The following DOCK1 variants were observed in gnomAD, a reference collection of about 807,000 sequenced individuals.
DOCK1 encodes dedicator of cytokinesis 1, also known as dedicator of cytokinesis protein 1.
A neutral mutation model predicts 262.7 loss-of-function variants in DOCK1; 138 were observed. The observed-to-expected ratio is 0.53, with a 90% CI of 0.46 to 0.61. The LOEUF (loss-of-function observed/expected upper bound fraction) is 0.61, where lower values mean the gene tolerates loss of function less well. Among genes scored for constraint, DOCK1 ranks in the 20% least tolerant of loss-of-function variants. The pLI is 0.00. For synonymous variants in DOCK1, 866 were observed against 867.4 expected (o/e 1.00, Z 0.03); for missense variants, 1,908 against 2,370.7 (o/e 0.80, Z 4.05).
chr10:127,037,970 A>G (rs2135585762), intron 19 of DOCK1, among the ~76,000 whole-genome samples, 154 bp downstream of exon 19: 1 of 151,300 alleles, frequency 6.6e-6, no homozygotes, highest in East Asian at 2.0e-4. Context: ...GCGGTGGCTT[A>G]CGCCTGTAAT....
intron 17 of DOCK1, 139 bp from the exon 18 acceptor site, chr10:127,031,998 G>A: frequency 1.7e-6 from 2 of 1,146,824 alleles, no homozygotes; most frequent in Non-Finnish European, 2.5e-6. Context: ...CAGTAATAAG[G>A]GAAATTATTA....
At chr10:127,365,555 A>T (rs2064859194) in intron 33 of DOCK1, among the ~76,000 whole-genome samples, 1 of 152,256 alleles carries the variant, frequency 6.6e-6, no homozygotes, top group Non-Finnish European at 1.5e-5. Context: ...TAAGGGGGAA[A>T]GTGTATTTAT....
intron 29 of DOCK1, among the ~76,000 whole-genome samples, chr10:127,330,693 CT>C (rs2062939112): frequency 6.6e-6 from 1 of 152,206 alleles, no homozygotes; most frequent in Admixed American, 6.5e-5. Context: ...GAAGCGTAGC[CT>C]CCAGCTTCTG....
In DOCK1 at chr10:127,176,446, A is replaced by C. The variant is rs1402622196; in HGVS notation, c.2847+48682A>C. The C allele has an allele frequency of 6.8e-7, 1 of 1,471,950 alleles. No homozygotes were observed. Among genetic ancestry groups the C allele is most frequent in the East Asian group, 2.3e-5 (1 of 43,876 alleles). The allele number at this position is 1,471,950 out of a possible 1,614,324, so 91.2% of individuals were successfully genotyped here. A position where few individuals can be genotyped will look rare whatever the true frequency, so the allele number is the denominator to read the frequency against. On this transcript the variant is annotated intron_variant, in intron 27 of 51. Coordinates refer to ENST00000623213, the MANE Select transcript of DOCK1 (RefSeq NM_001290223.2). This position sits in a 1 kb window ranked among gnomAD's most constrained non-coding sequence, Gnocchi z 4.4. ...AGAGGTGTCAGTGGGACAGAAATAC[A>C]CACTCAAGCACCGGCCGCACAAACT...
chr10:127,271,705 C>T (rs1423887725), intron 29 of DOCK1, among the ~76,000 whole-genome samples: 1 of 152,178 alleles, frequency 6.6e-6, no homozygotes, highest in Non-Finnish European at 1.5e-5. Context: ...ACAGTAGGTG[C>T]TCAACAGGCA....
intron 29 of DOCK1, among the ~76,000 whole-genome samples, chr10:127,330,164 C>A (rs1042653073): frequency 6.6e-6 from 1 of 152,036 alleles, no homozygotes; most frequent in Non-Finnish European, 1.5e-5. Flanking sequence ...GTGAACTCTC[C>A]GACTCCCCAC....
chr10:127,261,776 T>C (rs534518496), intron 29 of DOCK1, among the ~76,000 whole-genome samples: 4 of 140,808 alleles, frequency 2.8e-5, no homozygotes. Flanking sequence ...TGGGTGTGTG[T>C]GTGTGTACCT....
Position 127,026,348 on chromosome 10 carries a change from G to A in DOCK1, c.1552-4G>A. The A allele has an allele frequency of 1.3e-6, 2 of 1,561,356 alleles. No homozygotes were observed. Among genetic ancestry groups the A allele is most frequent in the Non-Finnish European group, 1.7e-6 (2 of 1,151,538 alleles). ...TGCTTAAACTTCTTTTTCAATTCTT[G>A]AAGGTGGCCATTCCCATCGAGGACG... On this transcript the variant is annotated splice_region_variant and splice_polypyrimidine_tract_variant and intron_variant, in intron 15 of 51. Coordinates refer to ENST00000623213, the MANE Select transcript of DOCK1 (RefSeq NM_001290223.2).
chr10:127,067,523 GTGTGTGTGTA>G (rs2045950463), intron 23 of DOCK1, among the ~76,000 whole-genome samples: 1 of 152,102 alleles, frequency 6.6e-6, no homozygotes, highest in Non-Finnish European at 1.5e-5. Context: ...CATTGTATGT[GTGTGTGTGTA>G]TGTGTGCGTG....
chr10:126,964,654 C>T (rs1287944610), intron 1 of DOCK1, among the ~76,000 whole-genome samples: 2 of 152,302 alleles, frequency 1.3e-5, no homozygotes, highest in South Asian at 2.1e-4. Flanking sequence ...GTCTTGAAAT[C>T]ATGTTTCAGT....
intron 29 of DOCK1, among the ~76,000 whole-genome samples, chr10:127,317,138 T>G (rs1254827993): frequency 6.6e-6 from 1 of 152,222 alleles, no homozygotes; most frequent in Non-Finnish European, 1.5e-5. Flanking sequence ...GACATTTCAG[T>G]AATAACTCTG....
chr10:126,912,827 C>T (rs1465871390), intron 1 of DOCK1, among the ~76,000 whole-genome samples: 1 of 152,002 alleles, frequency 6.6e-6, no homozygotes, highest in Non-Finnish European at 1.5e-5. Context: ...TCTTTAAATT[C>T]CCTGCCTCCA....
In DOCK1 at chr10:127,343,703, C is replaced by G. The variant is rs1344672799; in HGVS notation, c.3181C>G (p.Leu1061Val). ...VAFLTQESLQ[L>V]ENFSSAKRAK... ...TTTCCTTACTCAAGAGTCCCTGCAACTGGAGAATTTTTCAAGTGCCAAGAG... is the reference window on the plus strand; with the variant it reads ...TTTCCTTACTCAAGAGTCCCTGCAAGTGGAGAATTTTTCAAGTGCCAAGAG... The change falls in exon 31 of 52, where the codon CTG becomes GTG. Residue 1061 changes from leucine (L) to valine (V), a missense_variant. By Grantham distance (32) the Leu-to-Val change is conservative. This residue lies in a region of DOCK1 where 518 missense variants were observed against 575.1 expected (regional missense o/e 0.90). Transcript: ENST00000623213. The G allele has an allele frequency of 1.9e-6, 3 of 1,611,482 alleles. No homozygotes were observed. The highest frequency in any genetic ancestry group is 1.1e-5 in the South Asian group (1 of 90,018).
chr10:126,953,954 G>A (rs935583503), intron 1 of DOCK1, among the ~76,000 whole-genome samples: 4,963 of 152,232 alleles, frequency 0.033, 298 homozygotes, highest in African/African-American at 0.11. Context: ...TAAAACTTCC[G>A]AGTGGTCCTG....
intron 25 of DOCK1, among the ~76,000 whole-genome samples, chr10:127,120,738 A>G (rs1042939676): frequency 3.3e-5 from 5 of 152,226 alleles, no homozygotes; most frequent in African/African-American, 9.6e-5. Flanking sequence ...ATTAATTACA[A>G]TTAAATAACA....
intron 6 of DOCK1, 89 bp downstream of exon 6, chr10:126,990,692 A>G: frequency 3.5e-6 from 5 of 1,436,824 alleles, no homozygotes; most frequent in Non-Finnish European, 4.6e-6. Context: ...ATCATATTTT[A>G]TCATAAAACA....
At chr10:127,426,958 C>T (rs549340223) in intron 47 of DOCK1, among the ~76,000 whole-genome samples, 20 of 152,346 alleles carry the variant, frequency 1.3e-4, no homozygotes, top group African/African-American at 4.6e-4. Flanking sequence ...GGAGCAAAGC[C>T]AGGCACCGTG....
At chr10:126,959,911 G>A (rs2037065497) in intron 1 of DOCK1, among the ~76,000 whole-genome samples, 3 of 151,866 alleles carry the variant, frequency 2.0e-5, no homozygotes, top group African/African-American at 7.3e-5. Context: ...CCCGCCTCCC[G>A]GGTTTCTCCT....
At chr10:127,359,544 G>T (rs1172942537) in intron 32 of DOCK1, among the ~76,000 whole-genome samples, 1 of 152,048 alleles carries the variant, frequency 6.6e-6, no homozygotes, top group Admixed American at 6.5e-5. Context: ...TGTCACCTGA[G>T]AGATGGAATA....
Sources: gnomAD v4.1 joint callset for allele counts (sites outside exome capture counted in the v4.1 genomes callset) on GRCh38, gnomAD v4.1.1 for gene constraint, gnomAD v4.1.1 regional missense constraint, Gnocchi (gnomAD v3.1) non-coding constraint, MANE v1.5 for transcripts, NCBI Gene and HGNC (gene_info 2026-07-23, HGNC 2026-07-21) for gene names.